The following PTPRH variants were observed in gnomAD, a reference collection of about 807,000 sequenced individuals.
The protein encoded by PTPRH is protein tyrosine phosphatase receptor type H.
In PTPRH, 113 loss-of-function variants were observed where a neutral mutation model predicts 130.2. The ratio of observed to expected loss-of-function variants is 0.87; its 90% confidence interval spans 0.75 to 1.01. The LOEUF (loss-of-function observed/expected upper bound fraction) is 1.01, where lower values mean the gene tolerates loss of function less well. PTPRH is among the 50% of genes least tolerant of loss of function. The pLI is 0.00. For missense variants in PTPRH, 1,430 were observed against 1,425.0 expected, an observed-to-expected ratio of 1.00 and a Z score of -0.06; for synonymous variants, 556 against 577.9, an observed-to-expected ratio of 0.96 and a Z score of 0.54.
At chr19:55,184,145 G>A (rs1049656681) in intron 18 of PTPRH, among the ~76,000 whole-genome samples, 19 of 151,934 alleles carry the variant, frequency 1.3e-4, no homozygotes, top group Admixed American at 4.6e-4. Flanking sequence ...TTAGCCGGGC[G>A]TGGTGGCACA....
chr19:55,192,070 G>A (rs8103223), intron 10 of PTPRH: 83,384 of 441,938 alleles, frequency 0.19, 9,727 homozygotes, highest in Admixed American at 0.38. Flanking sequence ...GATATTCTTA[G>A]TAACATTTTT....
rs749782592 is a variant in PTPRH at position 55,206,768 on chromosome 19, G to A, written c.273C>T (p.Pro91=). The change falls in exon 3 of 20, where the codon CCC becomes CCT. Residue 91 remains proline, a synonymous_variant. Transcript: ENST00000376350. ...ATNVTVDGLG[P]GSLYTCSVWV... Reference sequence around the variant, plus strand: ...ACACAGAACACGTATACAATGACCCGGGTCCAAGGCCATCCACGGTGACGT... The same window carrying A: ...ACACAGAACACGTATACAATGACCCAGGTCCAAGGCCATCCACGGTGACGT... 1.2e-5 allele frequency: 19 copies of A among 1,614,000 alleles called. No individual in the cohort carries two copies. The highest frequency in any genetic ancestry group is 6.7e-5 in the Admixed American group (4 of 59,988).
chr19:55,191,681 A>C lies in PTPRH; in HGVS notation c.2318T>G (p.Ile773Ser), dbSNP rs535549272. The change falls in exon 11 of 20, where the codon ATT becomes AGT. Residue 773 changes from isoleucine to serine, a missense_variant. Ile to Ser is a moderately radical substitution (Grantham distance 142). Transcript: ENST00000376350. ...LLFLILVGLL[I>S]FFLKRRNKKK... ...GTCTCACCTCCTCTTCAGGAAGAAA[A>C]TCAGCAGGCCCACGAGGATGAGAAA... The C allele has an allele frequency of 1.9e-6, 3 of 1,614,066 alleles. No homozygotes were observed. The Admixed American group carries it at 5.0e-5, about 27-fold the overall frequency.
At chr19:55,196,461 G>A in intron 10 of PTPRH, 61 bp downstream of exon 10, 1 of 1,548,386 alleles carries the variant, frequency 6.5e-7, no homozygotes, top group Non-Finnish European at 8.8e-7. Flanking sequence ...CTCACAATGG[G>A]GCCTGATGGG....
chr19:55,199,470 T>C (rs2086788600), intron 7 of PTPRH, among the ~76,000 whole-genome samples: 1 of 152,100 alleles, frequency 6.6e-6, no homozygotes, highest in Non-Finnish European at 1.5e-5. Context: ...CTGGGTGTGG[T>C]GGTGCGTGCC....
intron 7 of PTPRH, among the ~76,000 whole-genome samples, chr19:55,199,735 G>A (rs767931329): frequency 1.2e-4 from 14 of 112,166 alleles, no homozygotes; most frequent in Non-Finnish European, 2.3e-4. Context: ...AGGAAGGAGG[G>A]AAGGAAAGAG....
At chr19:55,189,706 T>G (rs765490389) in intron 12 of PTPRH, 1 of 456,004 alleles carries the variant, frequency 2.2e-6, no homozygotes, top group South Asian at 1.5e-5. Flanking sequence ...TCCTGCTGGG[T>G]GCAGCGGCTC....
chr19:55,196,968 T>C, intron 9 of PTPRH, 149 bp downstream of exon 9: 1 of 1,179,640 alleles, frequency 8.5e-7, no homozygotes, highest in Non-Finnish European at 1.2e-6. Context: ...AAACTACAAC[T>C]CCCATGAGGC....
In PTPRH at chr19:55,188,067, C is replaced by A. The variant is rs780422002; in HGVS notation, c.2475+11G>T. 1 of 1,610,816 alleles carries A rather than the reference C, an allele frequency of 6.2e-7. No individual in the cohort carries two copies. Among genetic ancestry groups the A allele is most frequent in the Admixed American group, 1.7e-5 (1 of 60,004 alleles). ...GGGAGACTGAGCTCAGCCCCTCTGT[C>A]CTCTCCCCACCTGGTACTCGTCTGC... On this transcript the variant is annotated intron_variant, in intron 13 of 19. Transcript: ENST00000376350.
rs778258844 is a variant in PTPRH at position 55,196,590 on chromosome 19, G to C, written c.2189C>G (p.Thr730Ser). ...CATTCCGTCCCAGATGGTCGTGATG[G>C]TGGCTGGGTAGGACCGAGCCGGCCC... ...GLGPARSYPA[T>S]ITTIWDGMKV... Residue 730 changes from threonine (T) to serine (S), a missense_variant, in exon 10 of 20, where the codon ACC (threonine) becomes AGC (serine). By Grantham distance (58) the Thr-to-Ser change is moderately conservative (BLOSUM62 1). Coordinates refer to ENST00000376350, the MANE Select transcript of PTPRH (RefSeq NM_002842.5). The C allele has an allele frequency of 9.3e-6, 15 of 1,613,710 alleles. No individual in the cohort carries two copies. Among genetic ancestry groups the C allele is most frequent in the Non-Finnish European group, 1.3e-5 (15 of 1,179,980 alleles).
rs547660953 is a variant in PTPRH, at chr19:55,192,847, G to A, written c.2258-1106C>T. On this transcript the variant is annotated intron_variant, in intron 10 of 19. Transcript: ENST00000376350. The stretch of plus-strand genomic sequence containing the variant: ...ATTATAGGCATGAGCCACCATGCCC[G>A]GCTGTTATATGCAGATTTTCTACTG... 3.9e-3 allele frequency among the ~76,000 whole-genome samples: 587 copies of A among 151,784 alleles called. 1 individual carries two copies. Among genetic ancestry groups the A allele is most frequent in the Middle Eastern group, 6.8e-3 (2 of 294 alleles).
chr19:55,202,105 C>T lies in PTPRH; in HGVS notation c.1104G>A (p.Val368=). 1.9e-6 allele frequency: 3 copies of T among 1,614,242 alleles called. No individual in the cohort carries two copies. Among genetic ancestry groups the T allele is most frequent in the Non-Finnish European group, 2.5e-6 (3 of 1,180,058 alleles). ...PGCLYVFSVW[V]GKNGINSSRE... Reference sequence around the variant, plus strand: ...GGGAGCTGTTGATTCCATTCTTCCCCACCCACACGGAAAACACATACAAAC... The same window carrying T: ...GGGAGCTGTTGATTCCATTCTTCCCTACCCACACGGAAAACACATACAAAC... The change falls in exon 6 of 20, where the codon GTG becomes GTA. Residue 368 remains valine, a synonymous_variant. Coordinates refer to ENST00000376350, the MANE Select transcript of PTPRH (RefSeq NM_002842.5).
At chr19:55,191,827 C>T (rs754250094) in intron 10 of PTPRH, 86 bp from the exon 11 acceptor site, 207 of 1,204,662 alleles carry the variant, frequency 1.7e-4, no homozygotes, top group Non-Finnish European at 2.4e-4. Flanking sequence ...TTCCTCTTCC[C>T]CAGGAGCCTG....
At chr19:55,182,194 T>A (rs2086197060) in intron 18 of PTPRH, 43 bp from the exon 19 acceptor site, 2 of 1,601,098 alleles carry the variant, frequency 1.2e-6, no homozygotes, top group Non-Finnish European at 1.7e-6. Context: ...GGCAGGAGTG[T>A]GAGGGTCCGG....
At chr19:55,203,585 A>AC (rs1054355392) in intron 5 of PTPRH, among the ~76,000 whole-genome samples, 197 bp downstream of exon 5, 2 of 150,434 alleles carry the variant, frequency 1.3e-5, no homozygotes, top group Non-Finnish European at 3.0e-5. Context: ...CTACTTTTTT[A>AC]TTTTTTTTGT....
chr19:55,193,532 G>A (rs1056204609), intron 10 of PTPRH, among the ~76,000 whole-genome samples: 2 of 152,212 alleles, frequency 1.3e-5, no homozygotes, highest in African/African-American at 4.8e-5. Flanking sequence ...AGAGACACCG[G>A]GCAATGTCTG....
chr19:55,196,930 C>G, intron 9 of PTPRH, 142 bp from the exon 10 acceptor site: 2 of 1,244,196 alleles, frequency 1.6e-6, no homozygotes, highest in Non-Finnish European at 2.2e-6. Flanking sequence ...TTTCTGTCCT[C>G]CCCGAATGGA....
At chr19:55,207,371 A>G (rs2087105073) in intron 1 of PTPRH, 172 bp from the exon 2 acceptor site, 1 of 661,102 alleles carries the variant, frequency 1.5e-6, no homozygotes, top group Non-Finnish European at 2.6e-6. Flanking sequence ...TCCTGGGTCG[A>G]GGAGAGAAGG....
At chr19:55,196,939 G>C in intron 9 of PTPRH, 151 bp from the exon 10 acceptor site, 1 of 1,234,172 alleles carries the variant, frequency 8.1e-7, no homozygotes, top group Non-Finnish European at 1.1e-6. Flanking sequence ...TCCCCGAATG[G>C]ACACAAATAA....
Sources: gnomAD v4.1 joint callset for allele counts (sites outside exome capture counted in the v4.1 genomes callset) on GRCh38, gnomAD v4.1.1 for gene constraint, MANE v1.5 for transcripts, NCBI Gene and HGNC (gene_info 2026-07-23, HGNC 2026-07-21) for gene names.